Variants in SFTPA1 observed in about 807,000 individuals in gnomAD.
The protein encoded by SFTPA1 is pulmonary surfactant-associated protein A1.
SFTPA1 carries 13 observed loss-of-function variants against 19.1 expected under a neutral mutation model. That is an observed-to-expected ratio of 0.68 (90% CI 0.44 to 1.08). SFTPA1 has a LOEUF of 1.08. SFTPA1 is among the 50% of genes least tolerant of loss of function. The pLI, the probability that SFTPA1 is intolerant of heterozygous loss-of-function variation, is 0.00. For synonymous variants in SFTPA1, 101 were observed against 117.0 expected (o/e 0.86, Z 0.88); for missense variants, 259 against 316.4 (o/e 0.82, Z 1.38).
Position 79,614,996 on chromosome 10 carries a change from G to T in SFTPA1, c.*883G>T, listed in dbSNP as rs770748829. ...TGCCAGGTCTTAGGATATGTCGTGG[G>T]GTGGGCAAGGTAATCAGTGACAGTT... On this transcript the variant is annotated 3_prime_UTR_variant, in exon 6 of 6. Coordinates refer to ENST00000398636, the MANE Select transcript of SFTPA1 (RefSeq NM_005411.5). 1 of 1,305,022 alleles carries T rather than the reference G, an allele frequency of 7.7e-7. No individual in the cohort carries two copies. The highest frequency in any genetic ancestry group is 1.2e-5 in the South Asian group (1 of 80,972). 80.8% of individuals were successfully genotyped at this position (1,305,022 alleles called of 1,614,324 possible).
chr10:79,614,669 T>G lies in SFTPA1; in HGVS notation c.*556T>G. The stretch of plus-strand genomic sequence containing the variant: ...AGGCCTGGTCAGGCTCTCCATGAGG[T>G]TAGAAGGCCAGGTAGTGTTCCAGCA... On this transcript the variant is annotated 3_prime_UTR_variant, in exon 6 of 6. Transcript: ENST00000398636. The G allele has an allele frequency of 3.6e-6, 1 of 277,294 alleles. No homozygotes were observed. 17.2% of individuals were successfully genotyped at this position (277,294 alleles called of 1,614,324 possible). A position where few individuals can be genotyped will look rare whatever the true frequency, so the allele number is the denominator to read the frequency against.
chr10:79,612,538 G>A lies in SFTPA1; in HGVS notation c.292+107G>A, dbSNP rs1390233244. 1.9e-6 allele frequency: 3 copies of A among 1,548,020 alleles called. No homozygotes were observed. The Admixed American group carries it at 5.2e-5, about 27-fold the overall frequency. On this transcript the variant is annotated intron_variant, in intron 4 of 5. Coordinates refer to ENST00000398636, the MANE Select transcript of SFTPA1 (RefSeq NM_005411.5). ...GACAAACCCTACAGGTTCCCCAAGG[G>A]CATTTGGCTCAACCTAAGTAAGAGA...
chr10:79,612,372 C>A lies in SFTPA1; in HGVS notation c.233C>A (p.Ala78Asp), dbSNP rs752330906. The change falls in exon 4 of 6, where the codon GCC becomes GAC. Residue 78 changes from alanine to aspartate, a missense_variant. Physicochemically the swap from Ala to Asp is moderately radical, Grantham distance 126 (BLOSUM62 -2). Coordinates refer to ENST00000398636, the MANE Select transcript of SFTPA1 (RefSeq NM_005411.5). Reference protein sequence around the residue: ...CPPGNDGLPGAPGIPGECGEK... With the variant: ...CPPGNDGLPGDPGIPGECGEK... ...CCTGGAAATGATGGGCTGCCTGGAG[C>A]CCCTGGTATCCCTGGAGAGTGTGGA... 6.2e-7 allele frequency: 1 copy of A among 1,613,800 alleles called. No individual in the cohort carries two copies. The highest frequency in any genetic ancestry group is 8.5e-7 in the Non-Finnish European group (1 of 1,179,880).
chr10:79,612,250 T>C, intron 3 of SFTPA1, 62 bp from the exon 4 acceptor site: 5 of 1,613,512 alleles, frequency 3.1e-6, no homozygotes, highest in Middle Eastern at 3.4e-4. Flanking sequence ...GCATCGAGTC[T>C]CACTAGCTCC....
Position 79,611,324 on chromosome 10 carries a change from T to C in SFTPA1, c.-89T>C. On this transcript the variant is annotated 5_prime_UTR_variant, in exon 2 of 6. Transcript: ENST00000398636. The stretch of plus-strand genomic sequence containing the variant: ...TCATCTTTTTTCATTCTCAGGTCGC[T>C]GATTTCTTGGAGCCTGAAAAGAAAG... 2.5e-6 allele frequency: 1 copy of C among 392,224 alleles called. No homozygotes were observed. The highest frequency in any genetic ancestry group is 4.6e-6 in the Non-Finnish European group (1 of 217,908). The allele number at this position is 392,224 out of a possible 1,614,324, so 24.3% of individuals were successfully genotyped here.
At chr10:79,612,458 T>A (rs753507835) in intron 4 of SFTPA1, 27 bp downstream of exon 4, 1 of 1,607,048 alleles carries the variant, frequency 6.2e-7, no homozygotes, top group Non-Finnish European at 8.5e-7. Context: ...AGGTGGGCAG[T>A]GGAAACATGG....
chr10:79,614,235 G>T lies in SFTPA1; in HGVS notation c.*122G>T. 6.5e-7 allele frequency: 1 copy of T among 1,530,650 alleles called. No individual in the cohort carries two copies. Among genetic ancestry groups the T allele is most frequent in the Non-Finnish European group, 8.9e-7 (1 of 1,119,560 alleles). The allele number at this position is 1,530,650 out of a possible 1,614,324, so 94.8% of individuals were successfully genotyped here. ...AACAGAATTCACTTGTGGCTATTGGGACTGGAGGCACCCTTAGCCACTTCA... is the reference window on the plus strand; with the variant it reads ...AACAGAATTCACTTGTGGCTATTGGTACTGGAGGCACCCTTAGCCACTTCA... On this transcript the variant is annotated 3_prime_UTR_variant, in exon 6 of 6. Transcript: ENST00000398636.
chr10:79,612,775 C>T (rs1702175646), intron 4 of SFTPA1, among the ~76,000 whole-genome samples: 2 of 152,034 alleles, frequency 1.3e-5, no homozygotes, highest in South Asian at 4.1e-4. Flanking sequence ...GACGAGGCAT[C>T]CAGACAGACG....
At position 79,613,170 on chromosome 10, in the gene SFTPA1, T is replaced by C. The variant is rs1219687360; in HGVS notation, c.293-19T>C. 6.2e-7 allele frequency: 1 copy of C among 1,613,782 alleles called. No individual in the cohort carries two copies. Among genetic ancestry groups the C allele is most frequent in the Non-Finnish European group, 8.5e-7 (1 of 1,179,926 alleles). ...CTTCACTGGCCTGCCCCTCCTTCTGTGTGGGGCACTCTCCACAGGGCTTCC... is the reference window on the plus strand; with the variant it reads ...CTTCACTGGCCTGCCCCTCCTTCTGCGTGGGGCACTCTCCACAGGGCTTCC... On this transcript the variant is annotated intron_variant, in intron 4 of 5. Coordinates refer to ENST00000398636, the MANE Select transcript of SFTPA1 (RefSeq NM_005411.5).
At chr10:79,611,758 T>A (rs751274905) in intron 2 of SFTPA1, 45 bp from the exon 3 acceptor site, 2 of 1,613,372 alleles carry the variant, frequency 1.2e-6, no homozygotes, top group South Asian at 2.2e-5. Context: ...GTGGGGGAGA[T>A]GTTGGCAGAG....
chr10:79,611,716 C>T, intron 2 of SFTPA1, 87 bp from the exon 3 acceptor site: 3 of 1,608,630 alleles, frequency 1.9e-6, no homozygotes, highest in Non-Finnish European at 1.7e-6. Context: ...CTCTCGGGCT[C>T]TGCCCAGCTT....
chr10:79,611,427 A>G, intron 2 of SFTPA1, 38 bp downstream of exon 2: 4 of 719,580 alleles, frequency 5.6e-6, no homozygotes, highest in Non-Finnish European at 9.0e-6. Flanking sequence ...GGGACAGGGC[A>G]GGTTTTCTGC....
chr10:79,613,363 A>G (rs1859981591), intron 5 of SFTPA1, 97 bp downstream of exon 5: 2 of 1,555,682 alleles, frequency 1.3e-6, no homozygotes, highest in Admixed American at 3.3e-5. Flanking sequence ...ACAAATAGGC[A>G]TGCACATGCA....
chr10:79,612,719 A>C (rs1300691458), intron 4 of SFTPA1, among the ~76,000 whole-genome samples: 1 of 152,068 alleles, frequency 6.6e-6, no homozygotes, highest in African/African-American at 2.4e-5. Context: ...CAGGGGAGGC[A>C]TGTCCTGGGA....
chr10:79,614,782 A>G lies in SFTPA1; in HGVS notation c.*669A>G. On this transcript the variant is annotated 3_prime_UTR_variant, in exon 6 of 6. Coordinates refer to ENST00000398636, the MANE Select transcript of SFTPA1 (RefSeq NM_005411.5). Reference sequence around the variant, plus strand: ...GGCAACTCAGCCCCCTGACCTGAAGACAGCCAGCCTAGGCCTCTAGGGTGA... The same window carrying G: ...GGCAACTCAGCCCCCTGACCTGAAGGCAGCCAGCCTAGGCCTCTAGGGTGA... The G allele has an allele frequency of 2.9e-6, 1 of 348,384 alleles. No homozygotes were observed. Among genetic ancestry groups the G allele is most frequent in the Non-Finnish European group, 5.8e-6 (1 of 171,216 alleles). 21.6% of individuals were successfully genotyped at this position (348,384 alleles called of 1,614,324 possible).
chr10:79,615,013 G>T lies in SFTPA1; in HGVS notation c.*900G>T. 7.7e-7 allele frequency: 1 copy of T among 1,305,326 alleles called. No individual in the cohort carries two copies. The highest frequency in any genetic ancestry group is 1.0e-6 in the Non-Finnish European group (1 of 988,920). 80.9% of individuals were successfully genotyped at this position (1,305,326 alleles called of 1,614,324 possible). On this transcript the variant is annotated 3_prime_UTR_variant, in exon 6 of 6. Transcript: ENST00000398636. The stretch of plus-strand genomic sequence containing the variant: ...TGTCGTGGGGTGGGCAAGGTAATCA[G>T]TGACAGTTGAAGATTTTTTTTTCCC...
At chr10:79,612,214 A>T in intron 3 of SFTPA1, 98 bp from the exon 4 acceptor site, 20 of 1,610,612 alleles carry the variant, frequency 1.2e-5, no homozygotes, top group Non-Finnish European at 1.7e-5. Context: ...ATAGAGTGAT[A>T]GCTGAGCCAG....
Position 79,613,996 on chromosome 10 carries a change from C to G in SFTPA1, c.630C>G (p.Asn210Lys), listed in dbSNP as rs150214547. 3.3e-4 allele frequency: 528 copies of G among 1,614,242 alleles called. 2 individuals are homozygous for G. The African/African-American group carries it at 5.8e-3, about 18-fold the overall frequency. ...ACGGGACCCCTGTAAACTACACCAA[C>G]TGGTACCGAGGGGAGCCCGCAGGTC... is the stretch of plus-strand genomic sequence containing the variant. The part of the protein sequence containing the change: ...YSDGTPVNYT[N>K]WYRGEPAGRG... The change falls in exon 6 of 6, where the codon AAC becomes AAG. Residue 210 changes from asparagine to lysine, a missense_variant. Asn to Lys is a moderately conservative substitution (Grantham distance 94). Transcript: ENST00000398636.
rs1222511774 is a variant in SFTPA1 at position 79,613,809 on chromosome 10, T to C, written c.443T>C (p.Phe148Ser). The C allele has an allele frequency of 2.5e-6, 4 of 1,613,948 alleles. No individual in the cohort carries two copies. The highest frequency in any genetic ancestry group is 1.7e-5 in the Admixed American group (1 of 60,028). ...TCCAGCAATGGGCAGTCCATCACTTTTGATGCCATTCAGGAGGCATGTGCC... is the reference window on the plus strand; with the variant it reads ...TCCAGCAATGGGCAGTCCATCACTTCTGATGCCATTCAGGAGGCATGTGCC... Reference protein sequence around the residue: ...VFSSNGQSITFDAIQEACARA... With the variant: ...VFSSNGQSITSDAIQEACARA... Residue 148 changes from phenylalanine to serine, a missense_variant, in exon 6 of 6, where the codon TTT becomes TCT. Transcript: ENST00000398636.
Sources: gnomAD v4.1 joint callset for allele counts (sites outside exome capture counted in the v4.1 genomes callset) on GRCh38, gnomAD v4.1.1 for gene constraint, MANE v1.5 for transcripts, NCBI Gene and HGNC (gene_info 2026-07-23, HGNC 2026-07-21) for gene names.